Variants in USP12 observed in about 807,000 individuals in gnomAD.
USP12 encodes ubiquitin specific peptidase 12, also known as ubiquitin carboxyl-terminal hydrolase 12.
In USP12, 19 loss-of-function variants were observed where a neutral mutation model predicts 45.5. That is an observed-to-expected ratio of 0.42 (90% CI 0.29 to 0.61). The LOEUF is 0.61. USP12 is among the 20% of genes least tolerant of loss of function. The pLI, the probability that USP12 is intolerant of heterozygous loss-of-function variation, is 0.22. For synonymous variants in USP12, 149 were observed against 148.8 expected, an observed-to-expected ratio of 1.00 and a Z score of -0.01; for missense variants, 242 against 447.7, an observed-to-expected ratio of 0.54 and a Z score of 4.15.
At chr13:27,103,598 C>CAAAAA (rs376135830) in intron 3 of USP12, among the ~76,000 whole-genome samples, 58 of 128,700 alleles carry the variant, frequency 4.5e-4, no homozygotes, top group African/African-American at 1.2e-3. Context: ...ATTGAACTAT[C>CAAAAA]AAAAAAAAAA....
intron 1 of USP12, among the ~76,000 whole-genome samples, chr13:27,164,508 T>C (rs7997453): frequency 0.56 from 85,520 of 152,038 alleles, 24,669 homozygotes; most frequent in East Asian, 0.86. Context: ...CACACAGTGG[T>C]GCTCTACATT....
chr13:27,164,737 C>T (rs939441980), intron 1 of USP12, among the ~76,000 whole-genome samples: 1 of 152,154 alleles, frequency 6.6e-6, no homozygotes, highest in Non-Finnish European at 1.5e-5. Flanking sequence ...GCAAGTGTAA[C>T]TCTTCATAAT....
intron 1 of USP12, among the ~76,000 whole-genome samples, chr13:27,139,041 T>C (rs1229978596): frequency 1.3e-5 from 2 of 152,216 alleles, no homozygotes; most frequent in Non-Finnish European, 2.9e-5. Context: ...GGAAGATTCT[T>C]ATTCTTTTTA....
chr13:27,153,210 G>C (rs1877663146), intron 1 of USP12, among the ~76,000 whole-genome samples: 1 of 151,894 alleles, frequency 6.6e-6, no homozygotes, highest in Non-Finnish European at 1.5e-5. Flanking sequence ...GCAGGCACCT[G>C]TAATACCAGC....
At chr13:27,152,850 G>A (rs1160408722) in intron 1 of USP12, among the ~76,000 whole-genome samples, 1 of 151,058 alleles carries the variant, frequency 6.6e-6, no homozygotes, top group Non-Finnish European at 1.5e-5. Context: ...GCTGAGGCAG[G>A]ACAATGGCGT....
chr13:27,110,128 A>T (rs66799174), intron 2 of USP12, among the ~76,000 whole-genome samples: 24 of 1,876 alleles, frequency 0.013, 1 homozygote, highest in Non-Finnish European at 0.082. Context: ...TTTTCCAGGT[A>T]AAAAAAAAAA....
intron 2 of USP12, among the ~76,000 whole-genome samples, chr13:27,110,044 G>A (rs1593189498): frequency 6.9e-6 from 1 of 145,856 alleles, no homozygotes; most frequent in African/African-American, 2.5e-5. Context: ...TTTTTAAAAC[G>A]TTCCTGCCAC....
At chr13:27,122,652 AAAATAAATAAAT>A (rs376672232) in intron 1 of USP12, among the ~76,000 whole-genome samples, 3 of 151,634 alleles carry the variant, frequency 2.0e-5, no homozygotes, top group African/African-American at 4.8e-5. Context: ...ACCCCATCTC[AAAATAAATAAAT>A]AAATAAATAA....
chr13:27,074,357 G>A (rs765572771), intron 7 of USP12, among the ~76,000 whole-genome samples: 42 of 151,750 alleles, frequency 2.8e-4, no homozygotes, highest in South Asian at 8.3e-4. Context: ...CCGAGATGGC[G>A]CCACTGCACT....
At chr13:27,076,928 G>A (rs946780244) in intron 6 of USP12, among the ~76,000 whole-genome samples, 10 of 152,192 alleles carry the variant, frequency 6.6e-5, no homozygotes, top group African/African-American at 2.2e-4. Flanking sequence ...TATAAATTAG[G>A]AGCCTTTATG....
rs557583751 is a variant in USP12 at position 27,146,743 on chromosome 13, G to C, written c.48+24849C>G. Among the ~76,000 whole-genome samples, 5 of 152,224 alleles carry C rather than the reference G, an allele frequency of 3.3e-5. No individual in the cohort carries two copies. The East Asian group carries it at 7.7e-4, about 23-fold the overall frequency. On this transcript the variant is annotated intron_variant, in intron 1 of 8. Transcript: ENST00000282344. ...TCCTTTAATTCATCCGTTATGCATT[G>C]AACTATGCACCCCCTCCTCTAAATA...
chr13:27,170,281 A>G (rs1878529978), intron 1 of USP12: 2 of 398,462 alleles, frequency 5.0e-6, no homozygotes, highest in Admixed American at 4.4e-5. Context: ...CTCAGCGTGT[A>G]GTAGAGAATC....
intron 3 of USP12, among the ~76,000 whole-genome samples, chr13:27,100,740 T>G (rs969710283): frequency 1.3e-5 from 2 of 152,036 alleles, no homozygotes; most frequent in Non-Finnish European, 2.9e-5. Flanking sequence ...TATGCTAAAG[T>G]TGAGTTGAGG....
chr13:27,128,414 G>A (rs1042433615), intron 1 of USP12, among the ~76,000 whole-genome samples: 10 of 152,188 alleles, frequency 6.6e-5, no homozygotes, highest in African/African-American at 1.7e-4. Context: ...AAACTTTACA[G>A]ATCCTACTTT....
chr13:27,168,761 CACA>C (rs1481946752), intron 1 of USP12, among the ~76,000 whole-genome samples: 22 of 152,176 alleles, frequency 1.4e-4, no homozygotes, highest in Non-Finnish European at 1.8e-4. Flanking sequence ...CACATGTAAG[CACA>C]ACACTAGTGA....
Position 27,116,561 on chromosome 13 carries a change from A to G in USP12, c.84T>C (p.Gly28=). The G allele has an allele frequency of 6.2e-7, 1 of 1,613,092 alleles. No individual in the cohort carries two copies. Among genetic ancestry groups the G allele is most frequent in the Non-Finnish European group, 8.5e-7 (1 of 1,179,882 alleles). The part of the protein sequence containing the change: ...ANASALEKEI[G]PEQFPVNEHY... ...GCTCATTGACCGGAAACTGTTCTGG[A>G]CCAATCTCTTTCTCTAATGCCGAAG... The change falls in exon 2 of 9, where the codon GGT becomes GGC. Residue 28 remains glycine, a synonymous_variant. Coordinates refer to ENST00000282344, the MANE Select transcript of USP12 (RefSeq NM_182488.4).
intron 1 of USP12, among the ~76,000 whole-genome samples, chr13:27,121,640 T>C (rs1420772135): frequency 2.0e-5 from 3 of 150,950 alleles, no homozygotes; most frequent in African/African-American, 7.3e-5. Flanking sequence ...GGCAGGTGGA[T>C]CACGAGGTCA....
In USP12 at chr13:27,067,880, G is replaced by A. The variant is rs899023220; in HGVS notation, c.*1403C>T. The A allele has an allele frequency of 6.6e-6, 1 of 151,980 alleles. No individual in the cohort carries two copies. The highest frequency in any genetic ancestry group is 6.6e-5 in the Admixed American group (1 of 15,258). 9.4% of individuals were successfully genotyped at this position (151,980 alleles called of 1,614,324 possible). On this transcript the variant is annotated 3_prime_UTR_variant, in exon 9 of 9. Transcript: ENST00000282344. ...ACAACTTACTGATGCATGGAAAAAC[G>A]TCCAAAAAAACTGCAATCGTTTACA...
chr13:27,114,452 C>T (rs943091529), intron 2 of USP12, among the ~76,000 whole-genome samples: 1 of 152,172 alleles, frequency 6.6e-6, no homozygotes, highest in African/African-American at 2.4e-5. Flanking sequence ...CTTCCAAAGG[C>T]TCCTTTCCCC....
Sources: gnomAD v4.1 joint callset for allele counts (sites outside exome capture counted in the v4.1 genomes callset) on GRCh38, gnomAD v4.1.1 for gene constraint, MANE v1.5 for transcripts, NCBI Gene and HGNC (gene_info 2026-07-23, HGNC 2026-07-21) for gene names.